PDE4D: variants seen among roughly 807,000 people sequenced by gnomAD.
PDE4D encodes the protein phosphodiesterase 4D.
In PDE4D, 24 loss-of-function variants were observed where a neutral mutation model predicts 87.4. The observed-to-expected ratio is 0.27, with a 90% CI of 0.20 to 0.39. The LOEUF is 0.39. Ranked by LOEUF, PDE4D falls within the 10% of genes least tolerant of loss-of-function variation. The pLI, the probability that PDE4D is intolerant of heterozygous loss-of-function variation, is 1.00. For missense variants in PDE4D, 714 were observed against 1,041.0 expected, an observed-to-expected ratio of 0.69 and a Z score of 4.32; for synonymous variants, 384 against 383.2, an observed-to-expected ratio of 1.00 and a Z score of -0.02.
chr5:59,171,133 C>T (rs1454022195), intron 5 of PDE4D, among the ~76,000 whole-genome samples: 1 of 152,160 alleles, frequency 6.6e-6, no homozygotes, highest in East Asian at 1.9e-4. Flanking sequence ...CCACCCGCCT[C>T]AGCCTCCCAA....
At chr5:59,422,225 C>G (rs571591504) in intron 1 of PDE4D, among the ~76,000 whole-genome samples, 32 of 152,162 alleles carry the variant, frequency 2.1e-4, no homozygotes, top group Non-Finnish European at 4.3e-4. Context: ...CACATTCCAT[C>G]TTGTCTGAGG....
intron 2 of PDE4D, among the ~76,000 whole-genome samples, chr5:60,157,062 G>A (rs1782039064): frequency 6.6e-6 from 1 of 152,040 alleles, no homozygotes; most frequent in African/African-American, 2.4e-5. Flanking sequence ...CATTTTTAAA[G>A]ACACCATATT....
chr5:59,491,449 G>A (rs532673722), intron 1 of PDE4D, among the ~76,000 whole-genome samples: 1 of 152,238 alleles, frequency 6.6e-6, no homozygotes, highest in South Asian at 2.1e-4. Flanking sequence ...TATCATATTT[G>A]ATGTCAGTGG....
intron 6 of PDE4D, among the ~76,000 whole-genome samples, chr5:59,012,134 C>A (rs1263370300): frequency 1.3e-5 from 2 of 152,284 alleles, no homozygotes; most frequent in Admixed American, 6.5e-5. Context: ...GCCTGCCTTA[C>A]AAGAGCTCCT....
chr5:59,920,775 C>A (rs1333505288), intron 3 of PDE4D, among the ~76,000 whole-genome samples: 1 of 149,920 alleles, frequency 6.7e-6, no homozygotes, highest in Non-Finnish European at 1.5e-5. Flanking sequence ...AAACCAAACA[C>A]TGCATGTTCT....
At chr5:60,402,960 C>T (rs1203279457) in intron 1 of PDE4D, among the ~76,000 whole-genome samples, 1 of 152,226 alleles carries the variant, frequency 6.6e-6, no homozygotes, top group Non-Finnish European at 1.5e-5. Context: ...TGCCCCATGC[C>T]TCAACATGAA....
chr5:59,374,227 A>C (rs1784365109), intron 1 of PDE4D, among the ~76,000 whole-genome samples: 1 of 152,222 alleles, frequency 6.6e-6, no homozygotes, highest in South Asian at 2.1e-4. Flanking sequence ...AAAGACACAG[A>C]GTGGCAAGCT....
chr5:59,178,693 CTCT>C (rs1403526192), intron 5 of PDE4D, among the ~76,000 whole-genome samples: 1 of 152,210 alleles, frequency 6.6e-6, no homozygotes, highest in Non-Finnish European at 1.5e-5. Context: ...CCTGATGCTG[CTCT>C]TCTGGGAGAA....
intron 11 of PDE4D, among the ~76,000 whole-genome samples, chr5:58,981,866 T>C (rs756552800): frequency 4.6e-5 from 7 of 152,128 alleles, no homozygotes; most frequent in Non-Finnish European, 1.0e-4. Flanking sequence ...CCCTAAGGGA[T>C]CTCCTTATTC....
At chr5:60,256,101 C>T (rs1749018910) in intron 1 of PDE4D, among the ~76,000 whole-genome samples, 1 of 151,888 alleles carries the variant, frequency 6.6e-6, no homozygotes, top group Non-Finnish European at 1.5e-5. Flanking sequence ...TGTATCTTTA[C>T]TAAGCCTTAT....
intron 2 of PDE4D, among the ~76,000 whole-genome samples, chr5:60,123,680 G>A (rs1234797115): frequency 6.6e-5 from 10 of 152,064 alleles, no homozygotes; most frequent in Admixed American, 6.6e-4. Context: ...GATATGCAGT[G>A]ACCAGGGAAA....
At chr5:59,988,480 GC>G in intron 3 of PDE4D, 1 of 1,543,048 alleles carries the variant, frequency 6.5e-7, no homozygotes, top group Non-Finnish European at 8.8e-7. Flanking sequence ...ACATCTGAGG[GC>G]ACTCACCCAC....
Position 59,990,407 on chromosome 5 carries a change from T to G in PDE4D, c.43-1690A>C, listed in dbSNP as rs150793776. On this transcript the variant is annotated intron_variant, in intron 2 of 16. Transcript: ENST00000502484. ...TTCACATTGATTCCCAAATAGAAAA[T>G]TTTTGTCTTCCTGATTTATATCTTG... Among the ~76,000 whole-genome samples, 1,067 of 152,224 alleles carry G rather than the reference T, an allele frequency of 7.0e-3. 6 individuals carry two copies. Among genetic ancestry groups the G allele is most frequent in the Non-Finnish European group, 0.012 (785 of 68,008 alleles).
intron 1 of PDE4D, among the ~76,000 whole-genome samples, chr5:59,237,786 TGTGTGTG>T (rs2153520671): frequency 1.4e-4 from 1 of 7,314 alleles, no homozygotes; most frequent in African/African-American, 1.6e-3. Flanking sequence ...CATATAGGTG[TGTGTGTG>T]TGTGTGTGTG....
chr5:59,439,537 AC>A (rs565489996), intron 1 of PDE4D, among the ~76,000 whole-genome samples: 83 of 152,322 alleles, frequency 5.4e-4, no homozygotes, highest in Non-Finnish European at 9.1e-4. Context: ...TTATCAAGTT[AC>A]TATTCTAGGC....
intron 3 of PDE4D, among the ~76,000 whole-genome samples, chr5:59,937,260 AAT>A (rs1756699253): frequency 1.3e-5 from 2 of 152,192 alleles, no homozygotes; most frequent in Non-Finnish European, 2.9e-5. Flanking sequence ...CTCAATGAGG[AAT>A]TAGAGATAGA....
At chr5:59,233,077 T>A (rs1232654279) in intron 1 of PDE4D, among the ~76,000 whole-genome samples, 1 of 152,116 alleles carries the variant, frequency 6.6e-6, no homozygotes, top group Non-Finnish European at 1.5e-5. Context: ...TACAGCTGGA[T>A]AGAAGAAATA....
intron 1 of PDE4D, among the ~76,000 whole-genome samples, chr5:59,519,218 T>G (rs907410201): frequency 6.6e-6 from 1 of 151,906 alleles, no homozygotes; most frequent in African/African-American, 2.4e-5. Context: ...GATACAACAG[T>G]GAAAAAACAG....
At chr5:60,361,383 A>T (rs1760052410) in intron 1 of PDE4D, among the ~76,000 whole-genome samples, 3 of 152,226 alleles carry the variant, frequency 2.0e-5, no homozygotes, top group Non-Finnish European at 4.4e-5. Flanking sequence ...TCATTGATGC[A>T]AAATATATTA....
Sources: gnomAD v4.1 joint callset for allele counts (sites outside exome capture counted in the v4.1 genomes callset) on GRCh38, gnomAD v4.1.1 for gene constraint, MANE v1.5 for transcripts, NCBI Gene and HGNC (gene_info 2026-07-23, HGNC 2026-07-21) for gene names.